The following NDUFAF1 variants were observed in gnomAD, a reference collection of about 807,000 sequenced individuals.
NDUFAF1 encodes the protein complex I intermediate-associated protein 30, mitochondrial.
A neutral mutation model predicts 28.7 loss-of-function variants in NDUFAF1; 18 were observed. The observed-to-expected ratio is 0.63, with a 90% CI of 0.43 to 0.93. The LOEUF is 0.93. Among genes scored for constraint, NDUFAF1 ranks in the 40% least tolerant of loss-of-function variants. The pLI is 0.00. For missense variants in NDUFAF1, 404 were observed against 398.3 expected (o/e 1.01, Z -0.12); for synonymous variants, 113 against 139.7 (o/e 0.81, Z 1.35).
At chr15:41,401,809 G>A (rs1595413288) in intron 1 of NDUFAF1, among the ~76,000 whole-genome samples, 1 of 152,142 alleles carries the variant, frequency 6.6e-6, no homozygotes, top group Non-Finnish European at 1.5e-5. Flanking sequence ...AAGGGAACCA[G>A]GAAAAATTAA....
chr15:41,391,902 C>G (rs1460555282), intron 3 of NDUFAF1, among the ~76,000 whole-genome samples: 2 of 151,718 alleles, frequency 1.3e-5, no homozygotes, highest in Non-Finnish European at 2.9e-5. Context: ...GTGCAAAGCT[C>G]TGAGATGGAA....
At chr15:41,393,015 G>A (rs1335944628) in intron 3 of NDUFAF1, among the ~76,000 whole-genome samples, 1 of 152,096 alleles carries the variant, frequency 6.6e-6, no homozygotes, top group Non-Finnish European at 1.5e-5. Context: ...TATTTTGGAA[G>A]CAGAGGTGAC....
At chr15:41,398,125 C>T (rs997871617) in intron 1 of NDUFAF1, among the ~76,000 whole-genome samples, 5 of 150,794 alleles carry the variant, frequency 3.3e-5, no homozygotes, top group East Asian at 3.9e-4. Context: ...ATTCTCCCCT[C>T]GGCTTCCCAA....
intron 2 of NDUFAF1, among the ~76,000 whole-genome samples, chr15:41,395,733 G>A (rs1448442490): frequency 1.4e-5 from 2 of 143,110 alleles, no homozygotes; most frequent in East Asian, 2.1e-4. Flanking sequence ...GGAGTGCAAT[G>A]GCACGATCTC....
chr15:41,394,130 G>C (rs1198286185), intron 3 of NDUFAF1: 1 of 403,962 alleles, frequency 2.5e-6, no homozygotes. Flanking sequence ...CTGGGTTCAA[G>C]CAATTATCCT....
intron 3 of NDUFAF1, among the ~76,000 whole-genome samples, chr15:41,389,827 T>C (rs2140910007): frequency 6.6e-6 from 1 of 152,234 alleles, no homozygotes; most frequent in Admixed American, 6.5e-5. Context: ...TAATAGTTAT[T>C]CCAGTAATTT....
At position 41,402,199 on chromosome 15, in the gene NDUFAF1, G is replaced by A. The variant is rs369431865; in HGVS notation, c.-137C>T. 162 of 454,094 alleles carry A rather than the reference G, an allele frequency of 3.6e-4. 1 individual carries two copies. Among genetic ancestry groups the A allele is most frequent in the South Asian group, 2.5e-3 (158 of 64,476 alleles). 28.1% of individuals were successfully genotyped at this position (454,094 alleles called of 1,614,324 possible). ...CTGACGGCTCACAACAATCCTGAGA[G>A]AGGTACTATTATTATTTCAATTATA... On this transcript the variant is annotated 5_prime_UTR_variant, in exon 1 of 5. Coordinates refer to ENST00000260361, the MANE Select transcript of NDUFAF1 (RefSeq NM_016013.4).
At chr15:41,394,355 T>C (rs956506281) in intron 3 of NDUFAF1, 2 of 1,288,442 alleles carry the variant, frequency 1.6e-6, no homozygotes, top group Non-Finnish European at 1.0e-6. Flanking sequence ...TTTAGCAGAG[T>C]TGCCTGGAAG....
chr15:41,392,757 T>C (rs2050331054), intron 3 of NDUFAF1, among the ~76,000 whole-genome samples: 1 of 152,156 alleles, frequency 6.6e-6, no homozygotes, highest in African/African-American at 2.4e-5. Context: ...TATTTCTTCA[T>C]AGCAGCAGCA....
chr15:41,387,718 A>G, intron 4 of NDUFAF1, 125 bp from the exon 5 acceptor site: 1 of 728,208 alleles, frequency 1.4e-6, no homozygotes, highest in South Asian at 1.7e-5. Context: ...CCCTTAGCAA[A>G]TACTACTAAT....
At chr15:41,398,956 C>CA (rs1256253929) in intron 1 of NDUFAF1, among the ~76,000 whole-genome samples, 2 of 149,710 alleles carry the variant, frequency 1.3e-5, no homozygotes, top group Non-Finnish European at 3.0e-5. Context: ...AATTCCATCT[C>CA]AAAAAAAATA....
chr15:41,387,385 C>G lies in NDUFAF1; in HGVS notation c.*59G>C, dbSNP rs756011438. 8.2e-6 allele frequency: 12 copies of G among 1,468,320 alleles called. No individual in the cohort carries two copies. The highest frequency in any genetic ancestry group is 1.4e-5 in the African/African-American group (1 of 71,624). 91.0% of individuals were successfully genotyped at this position (1,468,320 alleles called of 1,614,324 possible). ...CCATTAAAGAAATATTTTATTTTGT[C>G]TATATCATTGTAGATGCTAGTACCC... is the stretch of plus-strand genomic sequence containing the variant. On this transcript the variant is annotated 3_prime_UTR_variant, in exon 5 of 5. Coordinates refer to ENST00000260361, the MANE Select transcript of NDUFAF1 (RefSeq NM_016013.4).
intron 3 of NDUFAF1, among the ~76,000 whole-genome samples, 200 bp downstream of exon 3, chr15:41,394,659 C>CATCTCACT (rs1223337976): frequency 9.2e-6 from 1 of 109,060 alleles, no homozygotes; most frequent in African/African-American, 3.6e-5. Context: ...GACAGAGTCT[C>CATCTCACT]ATCTCACTCT....
intron 2 of NDUFAF1, among the ~76,000 whole-genome samples, chr15:41,395,646 A>T (rs1271394100): frequency 1.4e-5 from 2 of 145,382 alleles, no homozygotes; most frequent in Non-Finnish European, 3.0e-5. Flanking sequence ...TGGGGATTAC[A>T]GGCATGAGCC....
chr15:41,399,800 G>A (rs1317433753), intron 1 of NDUFAF1, among the ~76,000 whole-genome samples: 1 of 142,996 alleles, frequency 7.0e-6, no homozygotes, highest in African/African-American at 2.6e-5. Context: ...AGCTTGCAGT[G>A]AGCCGAGATC....
At chr15:41,401,160 G>A (rs979234641) in intron 1 of NDUFAF1, among the ~76,000 whole-genome samples, 2 of 150,908 alleles carry the variant, frequency 1.3e-5, no homozygotes, top group Non-Finnish European at 2.9e-5. Context: ...TAGAGATGAG[G>A]TTCCACTATG....
In NDUFAF1 at chr15:41,388,525, GA is replaced by G; in HGVS notation, c.760-4del. The G allele has an allele frequency of 6.3e-7, 1 of 1,598,794 alleles. No individual in the cohort carries two copies. The highest frequency in any genetic ancestry group is 8.6e-7 in the Non-Finnish European group (1 of 1,166,166). The stretch of plus-strand genomic sequence containing the variant: ...AAGAAAAATTTGGAAAAAGGAATCT[GA>G]AAGAAGAAACCATTTACTTCATAAC... On this transcript the variant is annotated splice_region_variant and splice_polypyrimidine_tract_variant and intron_variant, in intron 3 of 4. Transcript: ENST00000260361.
intron 1 of NDUFAF1, among the ~76,000 whole-genome samples, chr15:41,401,735 A>T (rs1380407551): frequency 6.6e-6 from 1 of 152,132 alleles, no homozygotes; most frequent in Non-Finnish European, 1.5e-5. Flanking sequence ...CGACATTATC[A>T]ATAAGGTTTG....
rs28489036 is a variant in NDUFAF1, at chr15:41,397,595, C to T, written c.-81-455G>A. On this transcript the variant is annotated intron_variant, in intron 1 of 4. Transcript: ENST00000260361. ...CGGGTGGATCACGAGGTCAGGAAAT[C>T]GAGACCATCCTGGCTAACACGGTGA... 1.6e-3 allele frequency among the ~76,000 whole-genome samples: 246 copies of T among 151,906 alleles called. 1 individual carries two copies. Among genetic ancestry groups the T allele is most frequent in the Non-Finnish European group, 3.0e-3 (201 of 67,956 alleles).
Sources: gnomAD v4.1 joint callset for allele counts (sites outside exome capture counted in the v4.1 genomes callset) on GRCh38, gnomAD v4.1.1 for gene constraint, MANE v1.5 for transcripts, NCBI Gene and HGNC (gene_info 2026-07-23, HGNC 2026-07-21) for gene names.